The following AP1B1 variants were observed in gnomAD, a reference collection of about 807,000 sequenced individuals.
AP1B1 encodes adaptor related protein complex 1 subunit beta 1.
In AP1B1, 36 loss-of-function variants were observed where a neutral mutation model predicts 104.3. The observed-to-expected ratio is 0.35, with a 90% confidence interval of 0.26 to 0.46. The LOEUF (loss-of-function observed/expected upper bound fraction) is 0.46, where lower values mean the gene tolerates loss of function less well. AP1B1 is among the 20% of genes least tolerant of loss of function. The probability of loss-of-function intolerance (pLI) is 1.00; values close to 1 mark genes in which losing one functional copy is unlikely to be tolerated. For synonymous variants in AP1B1, 504 were observed against 517.5 expected, an observed-to-expected ratio of 0.97 and a Z score of 0.35; for missense variants, 901 against 1,247.9, an observed-to-expected ratio of 0.72 and a Z score of 4.19.
In AP1B1 at chr22:29,331,494, T is replaced by C. The variant is rs775876230; in HGVS notation, c.2479A>G (p.Thr827Ala). Reference sequence around the variant, plus strand: ...AAGAGGATGTGCAGTGGGTACAAGGTGCTGAAGTAGAAGACATCGATGTTG... The same window carrying C: ...AAGAGGATGTGCAGTGGGTACAAGGCGCTGAAGTAGAAGACATCGATGTTG... ...KNNIDVFYFS[T>A]LYPLHILFVE... is the part of the protein sequence containing the mutation. Residue 827 changes from threonine to alanine, a missense_variant, in exon 19 of 23, where the codon ACC (threonine) becomes GCC (alanine). Around this residue, in one of 3 missense-constraint regions of AP1B1, gnomAD observed 424 missense variants for 494.0 expected, o/e 0.86. Transcript: ENST00000357586. 4 of 1,614,172 alleles carry C rather than the reference T, an allele frequency of 2.5e-6. No individual in the cohort carries two copies. Among genetic ancestry groups the C allele is most frequent in the Non-Finnish European group, 1.7e-6 (2 of 1,180,028 alleles).
chr22:29,330,575 G>C (rs1569149861), intron 20 of AP1B1, 43 bp from the exon 21 acceptor site: 1 of 1,612,784 alleles, frequency 6.2e-7, no homozygotes, highest in Non-Finnish European at 8.5e-7. Context: ...TCAGCGCGGG[G>C]GCCTGGGTAC....
intron 1 of AP1B1, among the ~76,000 whole-genome samples, chr22:29,375,205 G>GT (rs1468778260): frequency 1.6e-5 from 2 of 121,996 alleles, no homozygotes; most frequent in Non-Finnish European, 3.3e-5. Flanking sequence ...AAAAAAATTA[G>GT]TCGGTGTGGT....
intron 7 of AP1B1, among the ~76,000 whole-genome samples, chr22:29,353,324 C>A (rs527555629): frequency 6.6e-6 from 1 of 152,294 alleles, no homozygotes; most frequent in South Asian, 2.1e-4. Flanking sequence ...AGAGGCAAGA[C>A]CCCGAGCTGG....
At chr22:29,345,118 G>A (rs1048086918) in intron 11 of AP1B1, among the ~76,000 whole-genome samples, 3 of 152,112 alleles carry the variant, frequency 2.0e-5, no homozygotes, top group African/African-American at 7.2e-5. Flanking sequence ...GAGTGCAGTG[G>A]TGTGATCTTG....
intron 11 of AP1B1, among the ~76,000 whole-genome samples, chr22:29,345,154 G>A (rs151015121): frequency 1.3e-5 from 2 of 151,476 alleles, no homozygotes; most frequent in Non-Finnish European, 2.9e-5. Flanking sequence ...AACTTCCCAG[G>A]CTCAAGCAAT....
At chr22:29,352,935 G>A (rs771353516) in intron 7 of AP1B1, among the ~76,000 whole-genome samples, 23 of 152,122 alleles carry the variant, frequency 1.5e-4, no homozygotes, top group Admixed American at 1.3e-4. Context: ...AGAAGGCACC[G>A]CTAGGCAGGA....
chr22:29,340,530 G>T, intron 14 of AP1B1, 126 bp downstream of exon 14: 1 of 1,042,496 alleles, frequency 9.6e-7, no homozygotes, highest in Non-Finnish European at 1.3e-6. Context: ...ACCTCCAAGG[G>T]TAAATGGTAA....
At chr22:29,373,283 A>C (rs1461548617) in intron 1 of AP1B1, among the ~76,000 whole-genome samples, 2 of 152,118 alleles carry the variant, frequency 1.3e-5, no homozygotes, top group Non-Finnish European at 2.9e-5. Flanking sequence ...AAAAAAGAAA[A>C]AAAGAGTGGG....
chr22:29,350,186 G>A (rs966828881), intron 9 of AP1B1, 36 bp from the exon 10 acceptor site: 13 of 1,550,264 alleles, frequency 8.4e-6, no homozygotes, highest in Admixed American at 5.0e-5. Context: ...CGAGGTCCCC[G>A]CACCCCATTT....
At chr22:29,351,406 G>A (rs768858050) in intron 8 of AP1B1, 140 bp from the exon 9 acceptor site, 13 of 1,040,500 alleles carry the variant, frequency 1.2e-5, no homozygotes, top group Non-Finnish European at 1.5e-6. Flanking sequence ...CCAAGGGAGA[G>A]AGCTGGCAGG....
At chr22:29,355,729 C>G (rs1260117890) in intron 6 of AP1B1, among the ~76,000 whole-genome samples, 1 of 151,796 alleles carries the variant, frequency 6.6e-6, no homozygotes, top group East Asian at 1.9e-4. Flanking sequence ...AAACCTGTCT[C>G]TATACAAAAT....
chr22:29,346,523 T>C (rs2061794991), intron 11 of AP1B1, among the ~76,000 whole-genome samples: 1 of 152,200 alleles, frequency 6.6e-6, no homozygotes, highest in Non-Finnish European at 1.5e-5. Flanking sequence ...TGCGCTCCTA[T>C]GAGAATCTAA....
Position 29,367,063 on chromosome 22 carries a change from T to C in AP1B1, c.37+144A>G, listed in dbSNP as rs2062154399. On this transcript the variant is annotated intron_variant, in intron 2 of 22. Coordinates refer to ENST00000357586, the MANE Select transcript of AP1B1 (RefSeq NM_001127.4). ...TTATATCATCAACAGTTCAATTTTC[T>C]AGATCTACCACAAGCTCTAGGCCAT... 4.6e-6 allele frequency: 3 copies of C among 656,114 alleles called. No individual in the cohort carries two copies. The South Asian group carries it at 6.1e-5, about 13-fold the overall frequency. The allele number at this position is 656,114 out of a possible 1,614,324, so 40.6% of individuals were successfully genotyped here. A position where few individuals can be genotyped will look rare whatever the true frequency, so the allele number is the denominator to read the frequency against.
intron 3 of AP1B1, among the ~76,000 whole-genome samples, chr22:29,360,220 A>T (rs1170578646): frequency 6.6e-6 from 1 of 152,216 alleles, no homozygotes; most frequent in Non-Finnish European, 1.5e-5. Context: ...TCTGGAGCCC[A>T]TCAAACCCAC....
Position 29,339,792 on chromosome 22 carries a change from C to T in AP1B1, c.1999-18G>A, listed in dbSNP as rs373308123. The T allele has an allele frequency of 2.5e-6, 4 of 1,605,084 alleles. No individual in the cohort carries two copies. In the South Asian group the frequency reaches 3.3e-5, roughly 13 times the overall value. ...TCCCCCATCTCCAAGCAGAAGCAGG[C>T]AGGTGAAGAGAACAGGCAGCCACAT... On this transcript the variant is annotated intron_variant, in intron 14 of 22. Transcript: ENST00000357586.
chr22:29,358,962 C>A lies in AP1B1; in HGVS notation c.289G>T (p.Asp97Tyr), dbSNP rs1247355431. The A allele has an allele frequency of 6.2e-7, 1 of 1,609,164 alleles. No individual in the cohort carries two copies. Among genetic ancestry groups the A allele is most frequent in the Non-Finnish European group, 8.5e-7 (1 of 1,178,460 alleles). Residue 97 changes from aspartate (D) to tyrosine (Y), a missense_variant, in exon 5 of 23, where the codon GAC becomes TAC. Physicochemically the swap from Asp to Tyr is radical, Grantham distance 160. Transcript: ENST00000357586. ...AVNTFVKDCE[D>Y]PNPLIRALAV... ...AGGGCTCGGATGAGGGGGTTGGGGT[C>A]CTCACAGTCCTGGGGGGAACCAGCC...
In AP1B1 at chr22:29,359,947, G is replaced by T. The variant is rs755546030; in HGVS notation, c.156C>A (p.Pro52=). 1 of 1,613,080 alleles carries T rather than the reference G, an allele frequency of 6.2e-7. No homozygotes were observed. The highest frequency in any genetic ancestry group is 2.2e-5 in the East Asian group (1 of 44,858). ...CCGTCTGCATGCAGTTGACCACATCGGGGAAGAGGGCACTGGAAGGTCAAA... is the reference window on the plus strand; with the variant it reads ...CCGTCTGCATGCAGTTGACCACATCTGGGAAGAGGGCACTGGAAGGTCAAA... ...TVGKDVSALF[P]DVVNCMQTDN... is the part of the protein sequence containing the mutation. Residue 52 remains proline (P), a synonymous_variant, in exon 4 of 23, where the codon CCC becomes CCA. Coordinates refer to ENST00000357586, the MANE Select transcript of AP1B1 (RefSeq NM_001127.4).
chr22:29,345,754 G>A (rs755158646), intron 11 of AP1B1, among the ~76,000 whole-genome samples: 3 of 152,058 alleles, frequency 2.0e-5, no homozygotes, highest in African/African-American at 4.8e-5. Flanking sequence ...GTGCGATCTC[G>A]GCTTACCGCA....
At chr22:29,383,221 A>G (rs1370446998) in intron 1 of AP1B1, among the ~76,000 whole-genome samples, 2 of 152,146 alleles carry the variant, frequency 1.3e-5, no homozygotes, top group Non-Finnish European at 2.9e-5. Flanking sequence ...ATACTCGGAG[A>G]TCGGGCAATG....
Sources: gnomAD v4.1 joint callset for allele counts (sites outside exome capture counted in the v4.1 genomes callset) on GRCh38, gnomAD v4.1.1 for gene constraint, gnomAD v4.1.1 regional missense constraint, MANE v1.5 for transcripts, NCBI Gene and HGNC (gene_info 2026-07-23, HGNC 2026-07-21) for gene names.